FCHSD2: variants seen among roughly 807,000 people sequenced by gnomAD.
FCHSD2 encodes the protein FCH and double SH3 domains 2, also known as F-BAR and double SH3 domains protein 2.
A neutral mutation model predicts 108.1 loss-of-function variants in FCHSD2; 38 were observed. The observed-to-expected ratio is 0.35, with a 90% CI of 0.27 to 0.46. The LOEUF (loss-of-function observed/expected upper bound fraction) is 0.46. Ranked by LOEUF, FCHSD2 falls within the 20% of genes least tolerant of loss-of-function variation. The pLI is 1.00. For synonymous variants in FCHSD2, 279 were observed against 314.7 expected (o/e 0.89, Z 1.20); for missense variants, 751 against 897.8 (o/e 0.84, Z 2.09).
At chr11:72,872,470 T>C (rs1854882455) in intron 12 of FCHSD2, among the ~76,000 whole-genome samples, 1 of 152,132 alleles carries the variant, frequency 6.6e-6, no homozygotes. Context: ...CCTGCAGTCT[T>C]GACAATCACT....
intron 12 of FCHSD2, among the ~76,000 whole-genome samples, chr11:72,880,544 G>A (rs1390540441): frequency 6.6e-6 from 1 of 152,078 alleles, no homozygotes; most frequent in Non-Finnish European, 1.5e-5. Context: ...ATATCCACCT[G>A]CCAAAGAATG....
At chr11:73,043,063 G>A (rs1858679055) in intron 3 of FCHSD2, among the ~76,000 whole-genome samples, 1 of 152,098 alleles carries the variant, frequency 6.6e-6, no homozygotes, top group African/African-American at 2.4e-5. Flanking sequence ...CTTGACTGAT[G>A]CTCTGGCTAG....
At chr11:72,968,685 T>TGCAAGAA (rs1856957264) in intron 8 of FCHSD2, among the ~76,000 whole-genome samples, 1 of 152,220 alleles carries the variant, frequency 6.6e-6, no homozygotes, top group African/African-American at 2.4e-5. Context: ...CTGCAAACTT[T>TGCAAGAA]CTCTGTTCTT....
intron 8 of FCHSD2, among the ~76,000 whole-genome samples, chr11:72,966,531 C>T (rs973982676): frequency 1.3e-5 from 2 of 152,060 alleles, no homozygotes; most frequent in South Asian, 4.2e-4. Context: ...TACTTACTTG[C>T]CTGCATAGCT....
intron 12 of FCHSD2, among the ~76,000 whole-genome samples, chr11:72,885,984 A>G (rs1428663245): frequency 2.0e-5 from 3 of 152,164 alleles, no homozygotes; most frequent in Non-Finnish European, 4.4e-5. Context: ...GATCACTTCC[A>G]TGGGGCTGTA....
At chr11:72,879,577 A>T (rs577335896) in intron 12 of FCHSD2, among the ~76,000 whole-genome samples, 1 of 152,212 alleles carries the variant, frequency 6.6e-6, no homozygotes, top group Non-Finnish European at 1.5e-5. Flanking sequence ...TAAAAGAAGA[A>T]CCACATAGAA....
At chr11:73,057,678 T>C (rs1260344634) in intron 3 of FCHSD2, among the ~76,000 whole-genome samples, 1 of 152,074 alleles carries the variant, frequency 6.6e-6, no homozygotes, top group Non-Finnish European at 1.5e-5. Flanking sequence ...GACTCCCAGT[T>C]TATTCATCAT....
intron 3 of FCHSD2, among the ~76,000 whole-genome samples, chr11:73,058,863 T>A (rs2135485432): frequency 6.6e-6 from 1 of 152,280 alleles, no homozygotes; most frequent in Non-Finnish European, 1.5e-5. Context: ...CCATCCCACC[T>A]AGACTTTCAT....
chr11:73,038,211 G>C (rs1858546198), intron 3 of FCHSD2, among the ~76,000 whole-genome samples: 2 of 152,178 alleles, frequency 1.3e-5, no homozygotes, highest in Non-Finnish European at 2.9e-5. Context: ...GCGTGGTAGT[G>C]CATGCCTCTA....
intron 6 of FCHSD2, among the ~76,000 whole-genome samples, chr11:72,986,806 C>T (rs1396624832): frequency 6.6e-6 from 1 of 152,122 alleles, no homozygotes; most frequent in Non-Finnish European, 1.5e-5. Context: ...TCAAACATTT[C>T]AATCTAGAAA....
chr11:73,070,723 G>C (rs1156858882), intron 3 of FCHSD2, among the ~76,000 whole-genome samples: 1 of 151,486 alleles, frequency 6.6e-6, no homozygotes, highest in Non-Finnish European at 1.5e-5. Context: ...ACCATACCCG[G>C]CCTAAATGTC....
At chr11:73,027,915 G>T (rs1211972276) in intron 3 of FCHSD2, among the ~76,000 whole-genome samples, 3 of 152,254 alleles carry the variant, frequency 2.0e-5, no homozygotes, top group Non-Finnish European at 2.9e-5. Context: ...ACATGGTATT[G>T]GGCCTGTAGT....
At chr11:72,901,129 C>T (rs1855517026) in intron 10 of FCHSD2, among the ~76,000 whole-genome samples, 1 of 152,180 alleles carries the variant, frequency 6.6e-6, no homozygotes, top group Non-Finnish European at 1.5e-5. Flanking sequence ...TCGTGGCTCA[C>T]GTCCGTAATG....
intron 2 of FCHSD2, among the ~76,000 whole-genome samples, chr11:73,114,876 C>T (rs76936742): frequency 0.043 from 6,563 of 152,180 alleles, 195 homozygotes; most frequent in Non-Finnish European, 0.065. Flanking sequence ...ACAAGCTGTG[C>T]GCCCAAAACT....
chr11:72,931,411 A>AT (rs928445821), intron 8 of FCHSD2, among the ~76,000 whole-genome samples: 33 of 146,822 alleles, frequency 2.2e-4, no homozygotes, highest in Non-Finnish European at 3.8e-4. Context: ...CCAGCCTTAA[A>AT]TTTTTTTTTT....
chr11:72,859,583 T>C (rs1861517243), intron 13 of FCHSD2, among the ~76,000 whole-genome samples: 1 of 152,112 alleles, frequency 6.6e-6, no homozygotes, highest in South Asian at 2.1e-4. Flanking sequence ...ATACATAAGG[T>C]TCGGTACTAT....
chr11:72,897,512 T>C (rs1855447576), intron 10 of FCHSD2, among the ~76,000 whole-genome samples: 1 of 152,182 alleles, frequency 6.6e-6, no homozygotes, highest in Non-Finnish European at 1.5e-5. Context: ...ATTACATCAT[T>C]TTATATAGGG....
intron 8 of FCHSD2, among the ~76,000 whole-genome samples, chr11:72,923,477 A>T (rs1032774543): frequency 4.7e-5 from 7 of 149,750 alleles, no homozygotes; most frequent in Non-Finnish European, 7.4e-5. Context: ...GTATTTTGGT[A>T]TTTTTTTTTT....
rs56294550 is a variant in FCHSD2, at chr11:72,910,535, T to C, written c.829-7897A>G. 5.6e-3 allele frequency among the ~76,000 whole-genome samples: 855 copies of C among 152,312 alleles called. 12 individuals carry two copies. Among genetic ancestry groups the C allele is most frequent in the African/African-American group, 0.02 (828 of 41,560 alleles). On this transcript the variant is annotated intron_variant, in intron 9 of 19. Coordinates refer to ENST00000409418, the MANE Select transcript of FCHSD2 (RefSeq NM_014824.3). ...ATCTATAACCTTACCCCCAACCCCA[T>C]GCTCTTTGAAACATGTGCTCTGTCA...
Sources: allele counts gnomAD v4.1 joint callset (sites outside exome capture counted in the v4.1 genomes callset), GRCh38; gene constraint gnomAD v4.1.1; transcripts MANE v1.5; gene names NCBI Gene and HGNC (gene_info 2026-07-23, HGNC 2026-07-21).